Variants in RC3H2 observed in about 807,000 individuals in gnomAD.
The protein encoded by RC3H2 is roquin-2.
Under a neutral mutation model 133.3 loss-of-function variants are expected in RC3H2, and 31 were observed. That is an observed-to-expected ratio of 0.23 (90% CI 0.17 to 0.31). The LOEUF is 0.31. RC3H2 is among the 10% of genes least tolerant of loss of function. The pLI is 1.00. For missense variants in RC3H2, 1,175 were observed against 1,437.2 expected (o/e 0.82, Z 2.95); for synonymous variants, 517 against 502.2 (o/e 1.03, Z -0.40).
At chr9:122,878,065 TCA>T in intron 8 of RC3H2, among the ~76,000 whole-genome samples, 1 of 152,208 alleles carries the variant, frequency 6.6e-6, no homozygotes, top group East Asian at 1.9e-4. Context: ...CTATTTGAGT[TCA>T]TACAATGAGG....
In RC3H2 at chr9:122,847,881, C is replaced by T. The variant is rs1389460713; in HGVS notation, c.*1746G>A. Reference sequence around the variant, plus strand: ...TGTGTAAGATCTTCCATACTGACACCAGAATATCAAAACTACCCCTTTGTT... The same window carrying T: ...TGTGTAAGATCTTCCATACTGACACTAGAATATCAAAACTACCCCTTTGTT... On this transcript the variant is annotated 3_prime_UTR_variant, in exon 21 of 21. Coordinates refer to ENST00000357244, the MANE Select transcript of RC3H2 (RefSeq NM_001100588.3). 6.6e-6 allele frequency: 1 copy of T among 152,040 alleles called. No homozygotes were observed. Among genetic ancestry groups the T allele is most frequent in the Non-Finnish European group, 1.5e-5 (1 of 67,966 alleles). The allele number at this position is 152,040 out of a possible 1,614,324, so 9.4% of individuals were successfully genotyped here.
At chr9:122,854,352 A>G in intron 16 of RC3H2, 86 bp from the exon 17 acceptor site, 3 of 1,299,310 alleles carry the variant, frequency 2.3e-6, no homozygotes, top group Non-Finnish European at 2.2e-6. Context: ...TATGTGACAG[A>G]TCAACCCTGA....
At chr9:122,892,309 C>T (rs1246197749) in intron 3 of RC3H2, among the ~76,000 whole-genome samples, 1 of 152,098 alleles carries the variant, frequency 6.6e-6, no homozygotes, top group Non-Finnish European at 1.5e-5. Flanking sequence ...GATGGGCTTT[C>T]GCCTTGTTGC....
intron 10 of RC3H2, 79 bp downstream of exon 10, chr9:122,865,270 C>A: frequency 8.3e-7 from 1 of 1,200,892 alleles, no homozygotes; most frequent in South Asian, 1.5e-5. Context: ...AACCGGTATT[C>A]ATCAGCAGAA....
chr9:122,897,526 T>G lies in RC3H2; in HGVS notation c.-17A>C. The G allele has an allele frequency of 6.2e-7, 1 of 1,608,136 alleles. No homozygotes were observed. ...CACAGGCATTGTGGAAGCTGGATGC[T>G]CGGGTTAGCAGTCTAGCAGATCATT... On this transcript the variant is annotated 5_prime_UTR_variant, in exon 2 of 21. Transcript: ENST00000357244.
intron 10 of RC3H2, among the ~76,000 whole-genome samples, chr9:122,862,616 T>G (rs1401601637): frequency 6.6e-6 from 1 of 152,182 alleles, no homozygotes; most frequent in Non-Finnish European, 1.5e-5. Flanking sequence ...CTTTACCAGC[T>G]GGGCACAGTG....
At chr9:122,893,439 A>G (rs1410267583) in intron 2 of RC3H2, among the ~76,000 whole-genome samples, 1 of 152,228 alleles carries the variant, frequency 6.6e-6, no homozygotes, top group Non-Finnish European at 1.5e-5. Flanking sequence ...GGTTGCAGTG[A>G]GCTGAGATCG....
chr9:122,865,296 C>A (rs1830597209), intron 10 of RC3H2, 53 bp downstream of exon 10: 1 of 1,442,984 alleles, frequency 6.9e-7, no homozygotes, highest in Non-Finnish European at 9.5e-7. Flanking sequence ...AACACTCAGG[C>A]ATTTCTAAAA....
chr9:122,892,798 T>C (rs1588109992), intron 3 of RC3H2, 111 bp downstream of exon 3: 1 of 779,836 alleles, frequency 1.3e-6, no homozygotes, highest in Non-Finnish European at 2.1e-6. Flanking sequence ...TCAAGGCATT[T>C]CTCAAGCAAA....
chr9:122,868,123 T>G (rs6478573), intron 9 of RC3H2, among the ~76,000 whole-genome samples: 137,294 of 141,366 alleles, frequency 0.97, 66,752 homozygotes, highest in Non-Finnish European at 1. Context: ...GAGGTGGGGG[T>G]GTCAGCCCCC....
chr9:122,865,392 C>G lies in RC3H2; in HGVS notation c.1591G>C (p.Gly531Arg). 6 of 1,614,024 alleles carry G rather than the reference C, an allele frequency of 3.7e-6. No individual in the cohort carries two copies. The highest frequency in any genetic ancestry group is 4.2e-6 in the Non-Finnish European group (5 of 1,179,870). Residue 531 changes from glycine to arginine, a missense_variant, in exon 10 of 21, where the codon GGT (glycine) becomes CGT (arginine). Around this residue, in one of 8 missense-constraint regions of RC3H2, gnomAD observed 490 missense variants for 492.8 expected, o/e 0.99. Coordinates refer to ENST00000357244, the MANE Select transcript of RC3H2 (RefSeq NM_001100588.3). The stretch of plus-strand genomic sequence containing the variant: ...GCAGAGGGCCCAGCAGCATTCTGAC[C>G]ATTAGCGCCAACCTTTCCCACTTTC... ...VKKVGKVGANGQNAAGPSADS... is the reference protein window; with the variant it reads ...VKKVGKVGANRQNAAGPSADS...
At position 122,847,388 on chromosome 9, in the gene RC3H2, T is replaced by C. The variant is rs1829893424; in HGVS notation, c.*2239A>G. 6.6e-6 allele frequency: 1 copy of C among 152,138 alleles called. No individual in the cohort carries two copies. Among genetic ancestry groups the C allele is most frequent in the African/African-American group, 2.4e-5 (1 of 41,436 alleles). 9.4% of individuals were successfully genotyped at this position (152,138 alleles called of 1,614,324 possible). A position where few individuals can be genotyped will look rare whatever the true frequency, so the allele number is the denominator to read the frequency against. ...GAGGGCACATAAGGAGCTCTCAAAC[T>C]GTTAATAGGTCTCTATTTTGTAACA... On this transcript the variant is annotated 3_prime_UTR_variant, in exon 21 of 21. Transcript: ENST00000357244.
intron 20 of RC3H2, among the ~76,000 whole-genome samples, chr9:122,850,865 T>G (rs1169960032): frequency 1.3e-5 from 2 of 152,208 alleles, no homozygotes; most frequent in African/African-American, 4.8e-5. Flanking sequence ...GAACACAGAT[T>G]AACTTTATCT....
chr9:122,860,044 A>G lies in RC3H2; in HGVS notation c.1722T>C (p.Ser574=). ...GAAATGGGCTGGATTTTTGAGGCAC[A>G]GAATTCAGCTCTGTTCCAACATTAG... ...GPSNVGTELN[S]VPQKSSPFLT... is the part of the protein sequence containing the mutation. Residue 574 remains serine (S), a synonymous_variant, in exon 11 of 21, where the codon TCT becomes TCC. Transcript: ENST00000357244. 1 of 1,614,174 alleles carries G rather than the reference A, an allele frequency of 6.2e-7. No individual in the cohort carries two copies. The highest frequency in any genetic ancestry group is 8.5e-7 in the Non-Finnish European group (1 of 1,180,022).
rs765465780 is a variant in RC3H2 at position 122,849,809 on chromosome 9, T to C, written c.3394A>G (p.Thr1132Ala). The change falls in exon 21 of 21, where the codon ACA becomes GCA. Residue 1132 changes from threonine to alanine, a missense_variant. Physicochemically the swap from Thr to Ala is moderately conservative, Grantham distance 58. Around this residue, in one of 8 missense-constraint regions of RC3H2, gnomAD observed 220 missense variants for 201.1 expected, o/e 1.09. Coordinates refer to ENST00000357244, the MANE Select transcript of RC3H2 (RefSeq NM_001100588.3). ...AAGCAAGAAGTTACCGGCAGAATTGTTTTTTGCTCCTCCCTGAGAAAAAAG... is the reference window on the plus strand; with the variant it reads ...AAGCAAGAAGTTACCGGCAGAATTGCTTTTTGCTCCTCCCTGAGAAAAAAG... ...EDHVILEEQK[T>A]ILPVTSCFSQ... The C allele has an allele frequency of 1.3e-6, 2 of 1,568,196 alleles. No homozygotes were observed. The highest frequency in any genetic ancestry group is 8.6e-7 in the Non-Finnish European group (1 of 1,160,536).
intron 18 of RC3H2, among the ~76,000 whole-genome samples, chr9:122,852,525 AG>A (rs1830082157): frequency 7.3e-6 from 1 of 137,382 alleles, no homozygotes; most frequent in African/African-American, 2.8e-5. Flanking sequence ...CCCGTCCGGG[AG>A]GGAGGTGGGG....
chr9:122,865,653 G>A lies in RC3H2; in HGVS notation c.1330C>T (p.Arg444Ter), dbSNP rs1219430785. The A allele has an allele frequency of 1.2e-6, 2 of 1,606,566 alleles. No individual in the cohort carries two copies. Among genetic ancestry groups the A allele is most frequent in the Non-Finnish European group, 1.7e-6 (2 of 1,176,854 alleles). ...AHSQEELEKY[R>*]LRNKKINATV... Reference sequence around the variant, plus strand: ...GCATTGATCTTTTTGTTCCTTAATCGATACCTGTTTCAAAAACAATCAACA... The same window carrying A: ...GCATTGATCTTTTTGTTCCTTAATCAATACCTGTTTCAAAAACAATCAACA... The change falls in exon 10 of 21, where the codon CGA becomes TGA. Residue 444 changes from arginine (R) to a stop codon, truncating the protein, a stop_gained. Coordinates refer to ENST00000357244, the MANE Select transcript of RC3H2 (RefSeq NM_001100588.3). LOFTEE classifies it high-confidence loss of function.
intron 15 of RC3H2, 120 bp downstream of exon 15, chr9:122,855,064 G>T: frequency 2.6e-6 from 2 of 784,294 alleles, no homozygotes; most frequent in Non-Finnish European, 4.0e-6. Context: ...AGTGAGCCAA[G>T]ATCACACCAC....
chr9:122,860,541 G>A (rs564099980), intron 10 of RC3H2, among the ~76,000 whole-genome samples: 1 of 150,902 alleles, frequency 6.6e-6, no homozygotes, highest in East Asian at 2.0e-4. Flanking sequence ...AGCCTCCCAA[G>A]CAGATGGGAC....
Sources: allele counts gnomAD v4.1 joint callset (sites outside exome capture counted in the v4.1 genomes callset), GRCh38; gene constraint gnomAD v4.1.1; regional missense constraint gnomAD v4.1.1; transcripts MANE v1.5; gene names NCBI Gene and HGNC (gene_info 2026-07-23, HGNC 2026-07-21).